The following SORCS3 variants were observed in gnomAD, a reference collection of about 807,000 sequenced individuals.
SORCS3 encodes sortilin related VPS10 domain containing receptor 3.
Under a neutral mutation model 146.3 loss-of-function variants are expected in SORCS3, and 57 were observed. The observed-to-expected ratio is 0.39, with a 90% CI of 0.31 to 0.49. SORCS3 has a LOEUF of 0.49. Among genes scored for constraint, SORCS3 ranks in the 20% least tolerant of loss-of-function variants. The pLI, the probability that SORCS3 is intolerant of heterozygous loss-of-function variation, is 0.92. For synonymous variants in SORCS3, 653 were observed against 618.5 expected (o/e 1.06, Z -0.83); for missense variants, 1,341 against 1,575.5 (o/e 0.85, Z 2.52).
intron 4 of SORCS3, 111 bp downstream of exon 4, chr10:104,977,604 C>G (rs1030357184): frequency 2.0e-6 from 2 of 1,018,664 alleles, no homozygotes; most frequent in Non-Finnish European, 2.7e-6. Flanking sequence ...TTTCATCATT[C>G]CAACCCAAAT....
intron 4 of SORCS3, among the ~76,000 whole-genome samples, chr10:105,040,311 A>G (rs1428904081): frequency 1.3e-5 from 2 of 152,166 alleles, no homozygotes; most frequent in Non-Finnish European, 2.9e-5. Flanking sequence ...AGAGGGATAG[A>G]AGGAGAGACA....
intron 3 of SORCS3, among the ~76,000 whole-genome samples, chr10:104,921,586 A>G (rs1026400681): frequency 3.3e-5 from 5 of 151,616 alleles, no homozygotes; most frequent in Non-Finnish European, 7.4e-5. Flanking sequence ...AGTTCTTTCT[A>G]TTGAGCTTCT....
chr10:104,699,552 C>G (rs1404278055), intron 1 of SORCS3, among the ~76,000 whole-genome samples: 1 of 152,034 alleles, frequency 6.6e-6, no homozygotes, highest in African/African-American at 2.4e-5. Flanking sequence ...ATGGCAAGAC[C>G]ATTGCAGATC....
At chr10:104,884,583 T>C (rs1302293066) in intron 2 of SORCS3, among the ~76,000 whole-genome samples, 9 of 152,156 alleles carry the variant, frequency 5.9e-5, no homozygotes, top group African/African-American at 2.2e-4. Context: ...AGAATAATCA[T>C]GTTGTACTGT....
chr10:105,207,352 T>A (rs986824828), intron 16 of SORCS3, among the ~76,000 whole-genome samples: 6 of 151,726 alleles, frequency 4.0e-5, no homozygotes, highest in Non-Finnish European at 8.8e-5. Flanking sequence ...GCCTTTTCCC[T>A]GGATGGGATT....
intron 9 of SORCS3, among the ~76,000 whole-genome samples, chr10:105,148,117 T>C (rs2056144642): frequency 6.6e-6 from 1 of 152,154 alleles, no homozygotes; most frequent in Non-Finnish European, 1.5e-5. Context: ...AGGTGATTTT[T>C]TAAGTAGCTT....
chr10:104,650,189 C>A (rs547178279), intron 1 of SORCS3, among the ~76,000 whole-genome samples: 1 of 152,216 alleles, frequency 6.6e-6, no homozygotes, highest in African/African-American at 2.4e-5. Context: ...TGATCTATAC[C>A]CATAGAGTTG....
At chr10:104,949,937 G>A (rs1401363743) in intron 3 of SORCS3, among the ~76,000 whole-genome samples, 2 of 152,204 alleles carry the variant, frequency 1.3e-5, no homozygotes, top group African/African-American at 2.4e-5. Flanking sequence ...AGTTAAGAGA[G>A]TAATAAGATT....
chr10:104,699,059 A>G (rs1008170771), intron 1 of SORCS3, among the ~76,000 whole-genome samples: 3 of 152,160 alleles, frequency 2.0e-5, no homozygotes, highest in South Asian at 4.1e-4. Flanking sequence ...TCGTCTTCTG[A>G]TTATATTTGT....
chr10:104,908,028 T>A (rs975418621), intron 2 of SORCS3, among the ~76,000 whole-genome samples: 2 of 152,162 alleles, frequency 1.3e-5, no homozygotes, highest in Admixed American at 6.5e-5. Context: ...CTCTGAGAAG[T>A]CTTTGGTCTG....
intron 1 of SORCS3, among the ~76,000 whole-genome samples, chr10:104,795,616 T>TCTTGTCATTAAATCCGGTATTTCAGCAC: frequency 6.6e-6 from 1 of 152,212 alleles, no homozygotes; most frequent in East Asian, 1.9e-4. Flanking sequence ...TGATCGGCAT[T>TCTTGTCATTAAATCCGGTATTTCAGCAC]CCTGCCTTGT....
chr10:104,764,042 G>T, intron 1 of SORCS3, among the ~76,000 whole-genome samples: 1 of 148,356 alleles, frequency 6.7e-6, no homozygotes, highest in African/African-American at 2.5e-5. Context: ...GGAAGGTACT[G>T]GTAATTCATT....
intron 6 of SORCS3, among the ~76,000 whole-genome samples, chr10:105,100,739 G>A (rs1056709979): frequency 6.6e-6 from 1 of 152,158 alleles, no homozygotes; most frequent in South Asian, 2.1e-4. Context: ...AACAAAATAG[G>A]ACATTTATTA....
intron 11 of SORCS3, among the ~76,000 whole-genome samples, chr10:105,163,538 C>T (rs1467177416): frequency 1.3e-5 from 2 of 152,064 alleles, no homozygotes; most frequent in Non-Finnish European, 2.9e-5. Context: ...AAGAGGGCTG[C>T]TCATTGGGAA....
chr10:105,076,940 C>T (rs954591466), intron 5 of SORCS3, among the ~76,000 whole-genome samples: 2 of 152,152 alleles, frequency 1.3e-5, no homozygotes, highest in Non-Finnish European at 2.9e-5. Context: ...TGGCTACTGC[C>T]AGCATATGAC....
intron 1 of SORCS3, among the ~76,000 whole-genome samples, chr10:104,737,827 GT>G (rs2016793262): frequency 6.7e-6 from 1 of 149,884 alleles, no homozygotes; most frequent in African/African-American, 2.5e-5. Context: ...TGCTTTTGGT[GT>G]TTTAGACATG....
intron 1 of SORCS3, among the ~76,000 whole-genome samples, chr10:104,650,356 G>C (rs1298189128): frequency 6.6e-6 from 1 of 152,238 alleles, no homozygotes; most frequent in Non-Finnish European, 1.5e-5. Flanking sequence ...TTCCGAAGGA[G>C]GGAAGATGAA....
At chr10:104,813,876 A>G (rs2017766532) in intron 1 of SORCS3, among the ~76,000 whole-genome samples, 1 of 152,040 alleles carries the variant, frequency 6.6e-6, no homozygotes, top group African/African-American at 2.4e-5. Context: ...CTCTGGGCAA[A>G]GAAAAAATTT....
At chr10:105,133,900 G>A (rs1313177275) in intron 7 of SORCS3, among the ~76,000 whole-genome samples, 1 of 152,178 alleles carries the variant, frequency 6.6e-6, no homozygotes. Flanking sequence ...CAAGGCTTCA[G>A]TGAACCATGA....
Sources: gnomAD v4.1 joint callset for allele counts (sites outside exome capture counted in the v4.1 genomes callset) on GRCh38, gnomAD v4.1.1 for gene constraint, MANE v1.5 for transcripts, NCBI Gene and HGNC (gene_info 2026-07-23, HGNC 2026-07-21) for gene names.